Variants in GPRC6A observed in about 807,000 individuals in gnomAD.
The protein encoded by GPRC6A is G protein-coupled receptor family C group 6 member A.
GPRC6A carries 54 observed loss-of-function variants against 47.0 expected under a neutral mutation model. The ratio of observed to expected loss-of-function variants is 1.15; its 90% CI spans 0.92 to 1.44. The LOEUF is 1.44. Ranked by LOEUF, GPRC6A falls within the 40% of genes most tolerant of loss-of-function variation. The pLI is 0.00. For missense variants in GPRC6A, 1,112 were observed against 1,105.5 expected, an observed-to-expected ratio of 1.01 and a Z score of -0.08; for synonymous variants, 347 against 377.1, an observed-to-expected ratio of 0.92 and a Z score of 0.93.
At chr6:116,794,684 T>C (rs1381086165) in intron 5 of GPRC6A, among the ~76,000 whole-genome samples, 2 of 152,232 alleles carry the variant, frequency 1.3e-5, no homozygotes, top group African/African-American at 4.8e-5. Context: ...GCTAATTATC[T>C]AATTTTTTAG....
At chr6:116,814,149 G>GTCAGA in intron 1 of GPRC6A, among the ~76,000 whole-genome samples, 1 of 152,204 alleles carries the variant, frequency 6.6e-6, no homozygotes, top group Admixed American at 6.5e-5. Context: ...CTTTTATACT[G>GTCAGA]CTGGTGGGAG....
At position 116,829,003 on chromosome 6, in the gene GPRC6A, A is replaced by G; in HGVS notation, c.11T>C (p.Leu4Ser). The part of the protein sequence containing the change: MAF[L>S]IILITCFVII... ...CACAAAGCAGGTAATTAGTATAATTAAGAATGCCATGTTTCTATCTCATTT... is the reference window on the plus strand; with the variant it reads ...CACAAAGCAGGTAATTAGTATAATTGAGAATGCCATGTTTCTATCTCATTT... Residue 4 changes from leucine to serine, a missense_variant, in exon 1 of 6, where the codon TTA becomes TCA. Transcript: ENST00000310357. 1 of 1,611,288 alleles carries G rather than the reference A, an allele frequency of 6.2e-7. No individual in the cohort carries two copies. The highest frequency in any genetic ancestry group is 8.5e-7 in the Non-Finnish European group (1 of 1,178,382).
At chr6:116,800,530 C>T (rs184459088) in intron 4 of GPRC6A, 54 bp downstream of exon 4, 3 of 1,099,812 alleles carry the variant, frequency 2.7e-6, no homozygotes, top group Admixed American at 3.4e-5. Flanking sequence ...AGGACTTTTG[C>T]AGTTGAGGTA....
rs200347739 is a variant in GPRC6A at position 116,806,743 on chromosome 6, C to A, written c.962G>T (p.Gly321Val). 2.1e-5 allele frequency: 34 copies of A among 1,613,394 alleles called. No homozygotes were observed. The highest frequency in any genetic ancestry group is 7.7e-5 in the South Asian group (7 of 91,056). ...TCTAAAGGCAAACCCTACAACTTTG[C>A]CAATCTTTTTAACATTAGGAATGGT... ...ITTIPNVKKI[G>V]KVVGFAFRRG... is the part of the protein sequence containing the mutation. The change falls in exon 3 of 6, where the codon GGC (glycine) becomes GTC (valine). Residue 321 changes from glycine (G) to valine (V), a missense_variant. By Grantham distance (109) the Gly-to-Val change is moderately radical. Transcript: ENST00000310357.
chr6:116,796,836 T>TCTA (rs923188360), intron 4 of GPRC6A, among the ~76,000 whole-genome samples: 1 of 152,164 alleles, frequency 6.6e-6, no homozygotes, highest in African/African-American at 2.4e-5. Context: ...TTTTAACGTA[T>TCTA]CTACTCTCCT....
chr6:116,828,867 C>A lies in GPRC6A; in HGVS notation c.147G>T (p.Leu49Phe). 1 of 1,613,120 alleles carries A rather than the reference C, an allele frequency of 6.2e-7. No individual in the cohort carries two copies. Among genetic ancestry groups the A allele is most frequent in the Non-Finnish European group, 8.5e-7 (1 of 1,179,442 alleles). Reference protein sequence around the residue: ...GGLFAIHEKMLSSEDSPRRPQ... With the variant: ...GGLFAIHEKMFSSEDSPRRPQ... ...GTCGTCTGGGAGAGTCTTCTGAGGA[C>A]AACATTTTTTCATGAATAGCAAACA... Residue 49 changes from leucine (L) to phenylalanine (F), a missense_variant, in exon 1 of 6, where the codon TTG becomes TTT. Coordinates refer to ENST00000310357, the MANE Select transcript of GPRC6A (RefSeq NM_148963.4).
At chr6:116,810,792 C>A (rs984956855) in intron 1 of GPRC6A, among the ~76,000 whole-genome samples, 5 of 151,674 alleles carry the variant, frequency 3.3e-5, no homozygotes, top group African/African-American at 1.2e-4. Flanking sequence ...ATTACAATTT[C>A]AATTAAAAAA....
chr6:116,812,263 T>C (rs185392852), intron 1 of GPRC6A, among the ~76,000 whole-genome samples: 1 of 152,106 alleles, frequency 6.6e-6, no homozygotes, highest in Non-Finnish European at 1.5e-5. Flanking sequence ...GGATACTATA[T>C]CCAGAAAACT....
chr6:116,795,977 A>G, intron 4 of GPRC6A, 142 bp from the exon 5 acceptor site: 2 of 554,418 alleles, frequency 3.6e-6, no homozygotes, highest in Non-Finnish European at 6.2e-6. Context: ...TCTTTTTGCC[A>G]TCGTGGGAAA....
chr6:116,795,206 C>T (rs1295904377), intron 5 of GPRC6A, among the ~76,000 whole-genome samples: 1 of 152,082 alleles, frequency 6.6e-6, no homozygotes, highest in Non-Finnish European at 1.5e-5. Context: ...ATAGTTGGTC[C>T]CTTGTCTCAC....
chr6:116,823,114 T>G (rs1445655994), intron 1 of GPRC6A, among the ~76,000 whole-genome samples: 2 of 152,136 alleles, frequency 1.3e-5, no homozygotes, highest in South Asian at 4.1e-4. Flanking sequence ...TTTTTTGTTT[T>G]GTTTTTTCTA....
intron 3 of GPRC6A, among the ~76,000 whole-genome samples, chr6:116,804,230 G>GTTGT (rs1772770405): frequency 6.6e-6 from 1 of 151,994 alleles, no homozygotes; most frequent in Non-Finnish European, 1.5e-5. Flanking sequence ...ATCTGCTGAA[G>GTTGT]TAAAACAAGC....
chr6:116,811,985 C>T (rs1181667291), intron 1 of GPRC6A, among the ~76,000 whole-genome samples: 4 of 152,130 alleles, frequency 2.6e-5, no homozygotes, highest in African/African-American at 7.2e-5. Context: ...AAACTTTCCA[C>T]ATCCAGCAAG....
chr6:116,793,087 G>T lies in GPRC6A; in HGVS notation c.1836C>A (p.Gly612=). The T allele has an allele frequency of 1.2e-6, 2 of 1,613,868 alleles. No homozygotes were observed. The highest frequency in any genetic ancestry group is 1.7e-6 in the Non-Finnish European group (2 of 1,179,820). The stretch of plus-strand genomic sequence containing the variant: ...TGTTCAGGTTTCTTGTAAATATTAT[G>T]CCAACAACCAGAACAAATATGATTC... ...LLGIIFVLVV[G]IIFTRNLNTP... Residue 612 remains glycine (G), a synonymous_variant, in exon 6 of 6, where the codon GGC becomes GGA. Transcript: ENST00000310357.
In GPRC6A at chr6:116,792,156, T is replaced by G. The variant is rs550758224; in HGVS notation, c.2767A>C (p.Met923Leu). The G allele has an allele frequency of 1.2e-6, 2 of 1,612,780 alleles. No homozygotes were observed. The highest frequency in any genetic ancestry group is 1.7e-6 in the Non-Finnish European group (2 of 1,179,240). ...SVSKTLPRKRMSSI is the reference protein window; with the variant it reads ...SVSKTLPRKRLSSI Reference sequence around the variant, plus strand: ...CTAAGGCTTATTCATATACTTGACATTCTTTTTCGAGGCAAAGTTTTAGAT... The same window carrying G: ...CTAAGGCTTATTCATATACTTGACAGTCTTTTTCGAGGCAAAGTTTTAGAT... Residue 923 changes from methionine (M) to leucine (L), a missense_variant, in exon 6 of 6, where the codon ATG (methionine) becomes CTG (leucine). By Grantham distance (15) the Met-to-Leu change is conservative. Coordinates refer to ENST00000310357, the MANE Select transcript of GPRC6A (RefSeq NM_148963.4).
rs1400719563 is a variant in GPRC6A, at chr6:116,792,818, T to C, written c.2105A>G (p.Tyr702Cys). Reference sequence around the variant, plus strand: ...AGTGAAGATAATAAGGATCGGTCTATAGAGGCACTTCAGAAATTTCTGTAA... The same window carrying C: ...AGTGAAGATAATAAGGATCGGTCTACAGAGGCACTTCAGAAATTTCTGTAA... Reference protein sequence around the residue: ...PKLQKFLKCLYRPILIIFTCT... With the variant: ...PKLQKFLKCLCRPILIIFTCT... Residue 702 changes from tyrosine to cysteine, a missense_variant, in exon 6 of 6, where the codon TAT (tyrosine) becomes TGT (cysteine). Coordinates refer to ENST00000310357, the MANE Select transcript of GPRC6A (RefSeq NM_148963.4). The C allele has an allele frequency of 1.9e-6, 3 of 1,614,090 alleles. No individual in the cohort carries two copies. The highest frequency in any genetic ancestry group is 1.7e-5 in the Admixed American group (1 of 59,984).
Position 116,806,526 on chromosome 6 carries a change from T to C in GPRC6A, c.1179A>G (p.Glu393=), listed in dbSNP as rs1162865718. The change falls in exon 3 of 6, where the codon GAA becomes GAG. Residue 393 remains glutamate (E), a synonymous_variant. Transcript: ENST00000310357. ...TLAYKANKAI[E]RNFVMRNDFL... The stretch of plus-strand genomic sequence containing the variant: ...AGTCATTTCTCATGACGAAGTTCCT[T>C]TCTATAGCCTTGTTAGCCTTGTAGG... 1.2e-6 allele frequency: 2 copies of C among 1,613,630 alleles called. No individual in the cohort carries two copies. The highest frequency in any genetic ancestry group is 1.1e-5 in the South Asian group (1 of 91,066).
At chr6:116,814,512 C>A (rs1349969460) in intron 1 of GPRC6A, among the ~76,000 whole-genome samples, 3 of 152,082 alleles carry the variant, frequency 2.0e-5, no homozygotes, top group Admixed American at 2.0e-4. Context: ...GACAGAAAAC[C>A]AGACACCACA....
chr6:116,808,129 A>G (rs1772913073), intron 2 of GPRC6A, among the ~76,000 whole-genome samples: 1 of 152,056 alleles, frequency 6.6e-6, no homozygotes, highest in Non-Finnish European at 1.5e-5. Flanking sequence ...CTTTACTGTA[A>G]AGTTATAAGA....
Sources: allele counts gnomAD v4.1 joint callset (sites outside exome capture counted in the v4.1 genomes callset), GRCh38; gene constraint gnomAD v4.1.1; transcripts MANE v1.5; gene names NCBI Gene and HGNC (gene_info 2026-07-23, HGNC 2026-07-21).